NLGN4X: variants seen among roughly 807,000 people sequenced by gnomAD.
The protein encoded by NLGN4X is neuroligin-4, X-linked.
In NLGN4X, 3 loss-of-function variants were observed where a neutral mutation model predicts 40.3. That is an observed-to-expected ratio of 0.07 (90% CI 0.03 to 0.19). NLGN4X has a LOEUF of 0.19. Among genes scored for constraint, NLGN4X ranks in the 10% least tolerant of loss-of-function variants. The pLI is 1.00. For synonymous variants in NLGN4X, 270 were observed against 306.8 expected (o/e 0.88, Z 1.25); for missense variants, 382 against 708.3 (o/e 0.54, Z 5.23).
intron 2 of NLGN4X, among the ~76,000 whole-genome samples, chrX:6,111,894 T>C (rs1458192665): frequency 8.9e-6 from 1 of 112,005 alleles, no homozygotes; most frequent in East Asian, 2.8e-4. Flanking sequence ...AGATGAAATA[T>C]TGTAAAAATT....
At chrX:6,137,901 C>A (rs1270509852) in intron 2 of NLGN4X, among the ~76,000 whole-genome samples, 1 of 111,542 alleles carries the variant, frequency 9.0e-6, no homozygotes, top group Non-Finnish European at 1.9e-5. Flanking sequence ...AACTATAAAC[C>A]AATTAGTTTA....
chrX:5,897,968 CCTT>C (rs1297475597), intron 5 of NLGN4X, among the ~76,000 whole-genome samples: 1 of 98,536 alleles, frequency 1.0e-5, no homozygotes, highest in African/African-American at 3.7e-5. Context: ...TCCCTCCCTC[CCTT>C]CTTCCTCTCC....
At chrX:6,053,287 G>T (rs1329065915) in intron 2 of NLGN4X, among the ~76,000 whole-genome samples, 1 of 112,029 alleles carries the variant, frequency 8.9e-6, no homozygotes, top group Non-Finnish European at 1.9e-5. Context: ...ACCCGGGAAG[G>T]AGCAAGCATT....
intron 2 of NLGN4X, among the ~76,000 whole-genome samples, chrX:6,071,141 T>C (rs1734699328): frequency 9.0e-6 from 1 of 111,599 alleles, no homozygotes; most frequent in African/African-American, 3.3e-5. Flanking sequence ...GTACTTTTCA[T>C]AAACTTGGGC....
chrX:5,989,058 ACT>A (rs2035606610), intron 3 of NLGN4X, among the ~76,000 whole-genome samples: 1 of 105,732 alleles, frequency 9.5e-6, no homozygotes, highest in African/African-American at 3.5e-5. Context: ...ACAGAGCGAG[ACT>A]CTGTCTCAAA....
At chrX:6,087,933 GTTTTTCTCTA>G (rs2147434229) in intron 2 of NLGN4X, among the ~76,000 whole-genome samples, 1 of 111,893 alleles carries the variant, frequency 8.9e-6, no homozygotes, top group South Asian at 3.7e-4. Flanking sequence ...TCATTTACAA[GTTTTTCTCTA>G]TTTTTCTCTA....
intron 1 of NLGN4X, among the ~76,000 whole-genome samples, chrX:6,152,111 C>T (rs1350093910): frequency 3.6e-5 from 4 of 110,721 alleles, no homozygotes; most frequent in Admixed American, 9.6e-5. Context: ...CCACTATGTC[C>T]GGCTAATTCG....
At chrX:6,112,782 A>T (rs991689694) in intron 2 of NLGN4X, among the ~76,000 whole-genome samples, 1 of 109,571 alleles carries the variant, frequency 9.1e-6, no homozygotes, top group Non-Finnish European at 1.9e-5. Flanking sequence ...GCACGTAGTG[A>T]CCTCTTTCCA....
intron 4 of NLGN4X, 148 bp downstream of exon 4, chrX:5,908,906 A>G: frequency 3.2e-6 from 2 of 629,127 alleles, no homozygotes; most frequent in Non-Finnish European, 4.9e-6. Flanking sequence ...GTTAAAAGAC[A>G]TGAAGATGGA....
chrX:6,129,131 A>G (rs915350102), intron 2 of NLGN4X, among the ~76,000 whole-genome samples: 1 of 112,332 alleles, frequency 8.9e-6, no homozygotes, highest in African/African-American at 3.2e-5. Context: ...TTTATAAAGT[A>G]CCATGGCTGC....
chrX:6,024,587 A>AG (rs1383227650), intron 3 of NLGN4X, among the ~76,000 whole-genome samples: 4 of 110,862 alleles, frequency 3.6e-5, no homozygotes, highest in African/African-American at 6.6e-5. Context: ...GTAAAAAAAA[A>AG]CAGCCGAAAC....
At chrX:6,216,482 G>A (rs981664710) in intron 1 of NLGN4X, among the ~76,000 whole-genome samples, 1 of 112,367 alleles carries the variant, frequency 8.9e-6, no homozygotes, top group Admixed American at 9.4e-5. Context: ...CCACCCAAGT[G>A]TGACCAAATG....
intron 3 of NLGN4X, among the ~76,000 whole-genome samples, chrX:5,961,414 T>C (rs781030427): frequency 8.9e-6 from 1 of 112,373 alleles, no homozygotes; most frequent in South Asian, 3.7e-4. Flanking sequence ...AGAATTTCAA[T>C]TTTGTTTTCA....
intron 2 of NLGN4X, among the ~76,000 whole-genome samples, chrX:6,035,117 TA>T (rs1478174354): frequency 1.8e-5 from 2 of 112,219 alleles, no homozygotes; most frequent in African/African-American, 6.5e-5. Context: ...TTTTGCCCAT[TA>T]AAAAATAATT....
intron 3 of NLGN4X, among the ~76,000 whole-genome samples, chrX:5,921,562 G>A (rs1016001561): frequency 1.7e-4 from 19 of 110,711 alleles, no homozygotes; most frequent in African/African-American, 6.2e-4. Context: ...CGGGGTAAGT[G>A]AGGGCAATCT....
chrX:6,043,309 A>G (rs1177610403), intron 2 of NLGN4X, among the ~76,000 whole-genome samples: 2 of 110,588 alleles, frequency 1.8e-5, no homozygotes, highest in African/African-American at 3.3e-5. Flanking sequence ...AGTCATAAAA[A>G]ATACCTAACA....
intron 2 of NLGN4X, among the ~76,000 whole-genome samples, chrX:6,144,582 C>G (rs1022478991): frequency 9.0e-5 from 10 of 111,287 alleles, no homozygotes; most frequent in African/African-American, 3.3e-4. Flanking sequence ...CTGTCTCTTC[C>G]GGCTTCTAGA....
At chrX:5,980,177 G>A (rs916033346) in intron 3 of NLGN4X, among the ~76,000 whole-genome samples, 23 of 103,483 alleles carry the variant, frequency 2.2e-4, no homozygotes, top group African/African-American at 8.7e-4. Context: ...GTACCAGTAC[G>A]TGTCTATACA....
chrX:6,217,022 C>G (rs1044395382), intron 1 of NLGN4X, among the ~76,000 whole-genome samples: 32 of 111,031 alleles, frequency 2.9e-4, no homozygotes, highest in African/African-American at 1.0e-3. Flanking sequence ...GCTCAAGTAA[C>G]CCTCCTTCCT....
Sources: gnomAD v4.1 joint callset for allele counts (sites outside exome capture counted in the v4.1 genomes callset) on GRCh38, gnomAD v4.1.1 for gene constraint, MANE v1.5 for transcripts, NCBI Gene and HGNC (gene_info 2026-07-23, HGNC 2026-07-21) for gene names.